PTPRE: variants seen among roughly 807,000 people sequenced by gnomAD.
The protein encoded by PTPRE is protein tyrosine phosphatase receptor type E.
Under a neutral mutation model 102.0 loss-of-function variants are expected in PTPRE, and 51 were observed. The ratio of observed to expected loss-of-function variants is 0.50; its 90% CI spans 0.40 to 0.63. The LOEUF (loss-of-function observed/expected upper bound fraction) is 0.63. Ranked by LOEUF, PTPRE falls within the 30% of genes least tolerant of loss-of-function variation. PTPRE has a pLI of 0.00. For synonymous variants in PTPRE, 345 were observed against 348.2 expected (o/e 0.99, Z 0.10); for missense variants, 752 against 915.1 (o/e 0.82, Z 2.30).
At chr10:127,965,464 T>C (rs1467784370) in intron 1 of PTPRE, among the ~76,000 whole-genome samples, 4 of 152,228 alleles carry the variant, frequency 2.6e-5, no homozygotes, top group African/African-American at 9.6e-5. Flanking sequence ...TTTGATTCCT[T>C]GCCAGTGTCT....
chr10:127,981,298 G>C (rs550250464), intron 1 of PTPRE, among the ~76,000 whole-genome samples: 2 of 152,302 alleles, frequency 1.3e-5, no homozygotes, highest in African/African-American at 4.8e-5. Flanking sequence ...TGTTGCCAGG[G>C]GCTGGGGACA....
Position 127,944,560 on chromosome 10 carries a change from ATGGG to A in PTPRE, c.-31+37255_-31+37258del, listed in dbSNP as rs1848499083. Among the ~76,000 whole-genome samples the A allele has an allele frequency of 6.6e-6, 1 of 152,104 alleles. No homozygotes were observed. The highest frequency in any genetic ancestry group is 1.5e-5 in the Non-Finnish European group (1 of 68,016). On this transcript the variant is annotated intron_variant, in intron 1 of 20. Transcript: ENST00000254667. This position sits in a 1 kb window ranked among gnomAD's most constrained non-coding sequence, Gnocchi z 4.2. The stretch of plus-strand genomic sequence containing the variant: ...GATGGATGGATAAGTGGATGGATGG[ATGGG>A]TGGATAGATGGATGGATAGGTTAGT...
At chr10:128,005,539 G>GT (rs1854442731) in intron 2 of PTPRE, among the ~76,000 whole-genome samples, 1 of 152,222 alleles carries the variant, frequency 6.6e-6, no homozygotes, top group Non-Finnish European at 1.5e-5. Context: ...TTAACATAAT[G>GT]TATTTGATGT....
intron 1 of PTPRE, among the ~76,000 whole-genome samples, chr10:127,968,696 C>T (rs1483418667): frequency 3.3e-5 from 5 of 152,262 alleles, no homozygotes; most frequent in Non-Finnish European, 7.3e-5. Flanking sequence ...GAACTCCTGA[C>T]TTCTTTGAAC....
chr10:128,027,523 C>T (rs143728970), intron 2 of PTPRE, among the ~76,000 whole-genome samples: 19 of 152,316 alleles, frequency 1.2e-4, no homozygotes, highest in Admixed American at 7.2e-4. Context: ...GTTCTGCTCT[C>T]GGGTTTATCA....
chr10:128,009,895 G>A (rs908554250), intron 2 of PTPRE, among the ~76,000 whole-genome samples: 19 of 152,174 alleles, frequency 1.2e-4, no homozygotes, highest in African/African-American at 4.3e-4. Context: ...AGGAGTCAGG[G>A]GGACATATGA....
intron 2 of PTPRE, among the ~76,000 whole-genome samples, chr10:128,023,837 G>A (rs1035530171): frequency 4.6e-5 from 7 of 152,192 alleles, no homozygotes; most frequent in South Asian, 2.1e-4. Context: ...GCACGCTTTC[G>A]TGATCATAAA....
intron 17 of PTPRE, among the ~76,000 whole-genome samples, chr10:128,075,455 C>A (rs1047914611): frequency 1.3e-5 from 2 of 152,150 alleles, no homozygotes; most frequent in East Asian, 1.9e-4. Flanking sequence ...CTCCACCCCC[C>A]AACTGGCCCC....
intron 6 of PTPRE, among the ~76,000 whole-genome samples, chr10:128,055,343 G>A (rs781108103): frequency 5.1e-4 from 77 of 152,180 alleles, no homozygotes; most frequent in Non-Finnish European, 9.7e-4. Flanking sequence ...TAGAATGCAG[G>A]CCACCAGAGT....
intron 2 of PTPRE, among the ~76,000 whole-genome samples, chr10:127,995,821 G>A (rs943492002): frequency 9.3e-6 from 1 of 107,542 alleles, no homozygotes; most frequent in Non-Finnish European, 1.8e-5. Context: ...AACTCTACAC[G>A]AGCACACACA....
intron 2 of PTPRE, among the ~76,000 whole-genome samples, chr10:128,038,308 T>C (rs1847397265): frequency 6.6e-6 from 1 of 152,206 alleles, no homozygotes; most frequent in South Asian, 2.1e-4. Flanking sequence ...CATTACTGGG[T>C]ATATACCCAA....
intron 1 of PTPRE, among the ~76,000 whole-genome samples, chr10:127,939,709 G>T (rs957160443): frequency 7.9e-5 from 12 of 152,226 alleles, no homozygotes; most frequent in Admixed American, 7.2e-4. Flanking sequence ...CCCAGCAGGG[G>T]CAGGGCCAAG....
intron 2 of PTPRE, among the ~76,000 whole-genome samples, chr10:127,992,560 G>A (rs1008743551): frequency 2.0e-5 from 3 of 152,066 alleles, no homozygotes; most frequent in African/African-American, 4.8e-5. Flanking sequence ...CCCTATTCAG[G>A]GCAGCTGCTC....
intron 2 of PTPRE, among the ~76,000 whole-genome samples, chr10:128,016,615 G>C (rs375141861): frequency 6.6e-6 from 1 of 152,044 alleles, no homozygotes; most frequent in Admixed American, 6.6e-5. Flanking sequence ...TCAGTGGCCT[G>C]GGAACAGCAC....
Position 128,070,178 on chromosome 10 carries a change from C to T in PTPRE, c.1144-123C>T. On this transcript the variant is annotated intron_variant, in intron 13 of 20. Transcript: ENST00000254667. The surrounding 1 kb of genome is among the most constrained non-coding windows in gnomAD (Gnocchi z 4.8). Reference sequence around the variant, plus strand: ...GGCCGGTACTCTGACTCTTGCCTCACACCTCCTTGTGTTGGCAAAAAGAGA... The same window carrying T: ...GGCCGGTACTCTGACTCTTGCCTCATACCTCCTTGTGTTGGCAAAAAGAGA... The T allele has an allele frequency of 1.7e-6, 2 of 1,191,052 alleles. No homozygotes were observed. Among genetic ancestry groups the T allele is most frequent in the Non-Finnish European group, 2.3e-6 (2 of 854,818 alleles). 73.8% of individuals were successfully genotyped at this position (1,191,052 alleles called of 1,614,324 possible).
chr10:127,956,265 C>G (rs1349511671), intron 1 of PTPRE, among the ~76,000 whole-genome samples: 1 of 152,086 alleles, frequency 6.6e-6, no homozygotes, highest in Non-Finnish European at 1.5e-5. Context: ...GGGGTGTTGT[C>G]TGAGGGTATT....
chr10:127,986,117 A>G lies in PTPRE; in HGVS notation c.-8+3821A>G, dbSNP rs555902850. On this transcript the variant is annotated intron_variant, in intron 2 of 20. Coordinates refer to ENST00000254667, the MANE Select transcript of PTPRE (RefSeq NM_006504.6). ...AAAATTAAAAAAAAATTGACATCCAAAAAAATGAGTCAAGTCTTTTTTCCT... is the reference window on the plus strand; with the variant it reads ...AAAATTAAAAAAAAATTGACATCCAGAAAAATGAGTCAAGTCTTTTTTCCT... 5.8e-4 allele frequency among the ~76,000 whole-genome samples: 89 copies of G among 152,308 alleles called. 1 individual carries two copies. The South Asian group carries it at 0.018, about 31-fold the overall frequency.
At chr10:128,062,822 C>T in intron 9 of PTPRE, 5 of 519,432 alleles carry the variant, frequency 9.6e-6, no homozygotes. Context: ...CTGAACCCTG[C>T]TTCTTACCTG....
intron 1 of PTPRE, among the ~76,000 whole-genome samples, chr10:127,968,254 C>G (rs1850416805): frequency 6.6e-6 from 1 of 152,206 alleles, no homozygotes; most frequent in South Asian, 2.1e-4. Context: ...AACTGCACTC[C>G]AGGCTTGAGT....
Sources: gnomAD v4.1 joint callset for allele counts (sites outside exome capture counted in the v4.1 genomes callset) on GRCh38, gnomAD v4.1.1 for gene constraint, Gnocchi (gnomAD v3.1) non-coding constraint, MANE v1.5 for transcripts, NCBI Gene and HGNC (gene_info 2026-07-23, HGNC 2026-07-21) for gene names.